Variants in TLL2 observed in about 807,000 individuals in gnomAD.
The protein encoded by TLL2 is tolloid-like protein 2.
Under a neutral mutation model 123.0 loss-of-function variants are expected in TLL2, and 106 were observed. The observed-to-expected ratio is 0.86, with a 90% CI of 0.74 to 1.01. TLL2 has a LOEUF of 1.01. Among genes scored for constraint, TLL2 ranks in the 50% least tolerant of loss-of-function variants. TLL2 has a pLI of 0.00. For missense variants in TLL2, 1,332 were observed against 1,336.7 expected (o/e 1.00, Z 0.06); for synonymous variants, 494 against 516.8 (o/e 0.96, Z 0.60).
At chr10:96,409,919 T>G (rs556882025) in intron 9 of TLL2, among the ~76,000 whole-genome samples, 4 of 151,734 alleles carry the variant, frequency 2.6e-5, no homozygotes, top group African/African-American at 9.7e-5. Context: ...AAAAGAGGAG[T>G]GTAAGATGCT....
At chr10:96,462,636 C>A (rs1378664943) in intron 2 of TLL2, among the ~76,000 whole-genome samples, 4 of 152,112 alleles carry the variant, frequency 2.6e-5, no homozygotes, top group Non-Finnish European at 4.4e-5. Flanking sequence ...AGATACATAA[C>A]CTTGTTTTAT....
Position 96,405,390 on chromosome 10 carries a change from A to C in TLL2, c.1165-56T>G, listed in dbSNP as rs1589414021. ...GCAGCAAAGCCTGAGGAGTTTGGGA[A>C]GATATATCTTGCATACTGGTGTTCT... On this transcript the variant is annotated intron_variant, in intron 9 of 20. Transcript: ENST00000357947. The C allele has an allele frequency of 1.9e-6, 3 of 1,543,288 alleles. No homozygotes were observed. The East Asian group carries it at 6.7e-5, about 35-fold the overall frequency.
rs577677098 is a variant in TLL2 at position 96,404,385 on chromosome 10, C to T, written c.1267+847G>A. On this transcript the variant is annotated intron_variant, in intron 10 of 20. Coordinates refer to ENST00000357947, the MANE Select transcript of TLL2 (RefSeq NM_012465.4). ...CCCTGTTCATCTCACCAAAACAATA[C>T]ACGCTCATCATAGAAAAACTGGAAA... Among the ~76,000 whole-genome samples, 8 of 152,302 alleles carry T rather than the reference C, an allele frequency of 5.3e-5. No homozygotes were observed. In the South Asian group the frequency reaches 1.7e-3, roughly 32 times the overall value.
At chr10:96,471,111 C>G (rs778042147) in intron 2 of TLL2, among the ~76,000 whole-genome samples, 12 of 152,186 alleles carry the variant, frequency 7.9e-5, no homozygotes, top group Non-Finnish European at 1.8e-4. Context: ...AGTGATTCTC[C>G]TGCCTCAGCC....
intron 7 of TLL2, among the ~76,000 whole-genome samples, chr10:96,415,739 GTCTCTC>G (rs142401265): frequency 1.8e-4 from 5 of 28,060 alleles, no homozygotes; most frequent in Admixed American, 7.3e-4. Context: ...GTCTCTCTCT[GTCTCTC>G]TCTCTCTCTC....
In TLL2 at chr10:96,506,251, C is replaced by CAAAAAAAAAAAAAAA. The variant is rs1210970430; in HGVS notation, c.175+7259_175+7260insTTTTTTTTTTTTTTT. 6.5e-4 allele frequency among the ~76,000 whole-genome samples: 24 copies of CAAAAAAAAAAAAAAA among 36,728 alleles called. 3 individuals carry two copies. The highest frequency in any genetic ancestry group is 2.2e-3 in the African/African-American group (20 of 9,010). The allele number at this position is 36,728 out of a possible 152,430, so 24.1% of individuals were successfully genotyped here. ...TGGATGACAGAGCGAGACCCCATCT[C>CAAAAAAAAAAAAAAA]AAAAAAAAAAAAAAGAAAAAAAAAA... is the stretch of plus-strand genomic sequence containing the variant. On this transcript the variant is annotated intron_variant, in intron 1 of 20. Transcript: ENST00000357947.
At chr10:96,402,319 C>T (rs1221944957) in intron 10 of TLL2, among the ~76,000 whole-genome samples, 3 of 152,224 alleles carry the variant, frequency 2.0e-5, no homozygotes, top group Non-Finnish European at 4.4e-5. Flanking sequence ...ATTTGTGGTA[C>T]TAGATTTGGG....
At chr10:96,414,490 C>T (rs191025206) in intron 7 of TLL2, among the ~76,000 whole-genome samples, 2 of 152,196 alleles carry the variant, frequency 1.3e-5, no homozygotes, top group African/African-American at 4.8e-5. Flanking sequence ...GGCCATGGCT[C>T]TCTCTGAGCA....
chr10:96,374,072 CA>C, intron 18 of TLL2: 1 of 461,816 alleles, frequency 2.2e-6, no homozygotes, highest in South Asian at 2.4e-5. Flanking sequence ...GATGAGAGAG[CA>C]GGGGTTCAGA....
rs779279277 is a variant in TLL2 at position 96,386,970 on chromosome 10, T to C, written c.1835A>G (p.Asp612Gly). The C allele has an allele frequency of 3.1e-6, 5 of 1,614,116 alleles. No individual in the cohort carries two copies. The highest frequency in any genetic ancestry group is 3.4e-6 in the Non-Finnish European group (4 of 1,180,030). The change falls in exon 14 of 21, where the codon GAT becomes GGT. Residue 612 changes from aspartate to glycine, a missense_variant. Transcript: ENST00000357947. Reference protein sequence around the residue: ...ACDPGYELAADKKMCEVACGG... With the variant: ...ACDPGYELAAGKKMCEVACGG... ...ACACCAACCTTCACACATCTTCTTA[T>C]CGGCGGCCAGCTCGTAGCCAGGGTC...
At chr10:96,455,953 A>G (rs1335027528) in intron 2 of TLL2, among the ~76,000 whole-genome samples, 1 of 152,244 alleles carries the variant, frequency 6.6e-6, no homozygotes, top group Non-Finnish European at 1.5e-5. Context: ...TTCACTGAGG[A>G]AACTGACCGT....
intron 5 of TLL2, among the ~76,000 whole-genome samples, chr10:96,427,897 C>T (rs1278307958): frequency 1.3e-5 from 2 of 152,224 alleles, no homozygotes; most frequent in South Asian, 2.1e-4. Context: ...CAGCTCCAAG[C>T]GATTCTCCTG....
chr10:96,435,506 T>A (rs975981321), intron 3 of TLL2, among the ~76,000 whole-genome samples: 13 of 152,236 alleles, frequency 8.5e-5, no homozygotes, highest in African/African-American at 2.4e-4. Context: ...GCTTGTGCTT[T>A]TGGTGTCATA....
At chr10:96,505,006 T>C (rs1847565928) in intron 1 of TLL2, among the ~76,000 whole-genome samples, 1 of 151,256 alleles carries the variant, frequency 6.6e-6, no homozygotes, top group South Asian at 2.1e-4. Flanking sequence ...AGACTCCGTC[T>C]CAAAAAAATA....
At chr10:96,417,567 A>G (rs964677640) in intron 7 of TLL2, among the ~76,000 whole-genome samples, 4 of 152,216 alleles carry the variant, frequency 2.6e-5, no homozygotes, top group African/African-American at 9.6e-5. Context: ...TGCTTTGACC[A>G]ACAGAATGTG....
Position 96,367,405 on chromosome 10 carries a change from G to GC in TLL2, c.*682dup, listed in dbSNP as rs1233846079. On this transcript the variant is annotated 3_prime_UTR_variant, in exon 21 of 21. Coordinates refer to ENST00000357947, the MANE Select transcript of TLL2 (RefSeq NM_012465.4). ...TGCTGTATTCATAATGGATGCCTTAGCCCCCACTGCAATTAGGGAGGGGGG... is the reference window on the plus strand; with the variant it reads ...TGCTGTATTCATAATGGATGCCTTAGCCCCCCACTGCAATTAGGGAGGGGGG... 1.3e-5 allele frequency: 2 copies of GC among 152,300 alleles called. No homozygotes were observed. The highest frequency in any genetic ancestry group is 2.9e-5 in the Non-Finnish European group (2 of 68,100). 9.4% of individuals were successfully genotyped at this position (152,300 alleles called of 1,614,324 possible).
chr10:96,480,234 T>C lies in TLL2; in HGVS notation c.286+115A>G, dbSNP rs781173602. The C allele has an allele frequency of 8.4e-6, 7 of 831,868 alleles. No homozygotes were observed. The Admixed American group carries it at 1.3e-4, about 15-fold the overall frequency. The allele number at this position is 831,868 out of a possible 1,614,324, so 51.5% of individuals were successfully genotyped here. ...AGTGACCCCTCTGATTTTCCACAAA[T>C]AGGGGGGCATTAGACTAGCAAGTCA... On this transcript the variant is annotated intron_variant, in intron 2 of 20. Transcript: ENST00000357947.
chr10:96,416,243 A>T (rs1257037159), intron 7 of TLL2, among the ~76,000 whole-genome samples: 5 of 152,220 alleles, frequency 3.3e-5, no homozygotes, highest in Non-Finnish European at 5.9e-5. Flanking sequence ...GCACAAGCAT[A>T]AGGATCACAC....
intron 8 of TLL2, among the ~76,000 whole-genome samples, chr10:96,410,896 A>G (rs1387007663): frequency 6.6e-6 from 1 of 152,220 alleles, no homozygotes; most frequent in African/African-American, 2.4e-5. Flanking sequence ...TGCTTCATAT[A>G]TAATGCCATT....
Sources: gnomAD v4.1 joint callset for allele counts (sites outside exome capture counted in the v4.1 genomes callset) on GRCh38, gnomAD v4.1.1 for gene constraint, MANE v1.5 for transcripts, NCBI Gene and HGNC (gene_info 2026-07-23, HGNC 2026-07-21) for gene names.